LPAR1: variants seen among roughly 807,000 people sequenced by gnomAD.
LPAR1 encodes the protein LPA receptor 1.
A neutral mutation model predicts 23.8 loss-of-function variants in LPAR1; 5 were observed. The ratio of observed to expected loss-of-function variants is 0.21; its 90% CI spans 0.11 to 0.44. The LOEUF (loss-of-function observed/expected upper bound fraction) is 0.44, where lower values mean the gene tolerates loss of function less well. Ranked by LOEUF, LPAR1 falls within the 20% of genes least tolerant of loss-of-function variation. The pLI is 0.99. For missense variants in LPAR1, 311 were observed against 482.8 expected, an observed-to-expected ratio of 0.64 and a Z score of 3.33; for synonymous variants, 160 against 164.7, an observed-to-expected ratio of 0.97 and a Z score of 0.22.
intron 5 of LPAR1, among the ~76,000 whole-genome samples, chr9:110,884,414 TTA>T (rs2081781898): frequency 7.2e-6 from 1 of 138,194 alleles, no homozygotes. Context: ...TAATTTATTT[TTA>T]TTTATAATGT....
intron 5 of LPAR1, among the ~76,000 whole-genome samples, chr9:110,927,662 A>G (rs2094136755): frequency 6.6e-6 from 1 of 152,154 alleles, no homozygotes; most frequent in South Asian, 2.1e-4. Context: ...TCAAAAATGA[A>G]TCAAATCTTT....
intron 2 of LPAR1, among the ~76,000 whole-genome samples, chr9:111,021,009 C>T (rs564253862): frequency 6.6e-6 from 1 of 151,994 alleles, no homozygotes; most frequent in Admixed American, 6.6e-5. Context: ...AAAATAAGAA[C>T]GAGTGTAATA....
intron 2 of LPAR1, among the ~76,000 whole-genome samples, chr9:111,022,603 C>CTTAA (rs2097579510): frequency 6.6e-6 from 1 of 152,088 alleles, no homozygotes; most frequent in Non-Finnish European, 1.5e-5. Flanking sequence ...TTACAAAAAA[C>CTTAA]TTAACTTCAG....
In LPAR1 at chr9:111,022,640, T is replaced by C. The variant is rs557104774; in HGVS notation, c.-182+13482A>G. Among the ~76,000 whole-genome samples, 28 of 152,346 alleles carry C rather than the reference T, an allele frequency of 1.8e-4. 1 individual carries two copies. In the South Asian group the frequency reaches 4.8e-3, roughly 26 times the overall value. On this transcript the variant is annotated intron_variant, in intron 2 of 5. Coordinates refer to ENST00000683809, the MANE Select transcript of LPAR1 (RefSeq NM_001351411.2). ...GTTATAATTTCTTACAAATTATGCA[T>C]AGTTACTAAATTGGTAATTATATTA...
intron 5 of LPAR1, among the ~76,000 whole-genome samples, chr9:110,925,575 C>T (rs940752542): frequency 2.0e-5 from 3 of 152,164 alleles, no homozygotes; most frequent in East Asian, 1.9e-4. Flanking sequence ...TCACCTTGTA[C>T]AGGCAGAGAA....
At chr9:110,911,459 T>G (rs1017543349) in intron 5 of LPAR1, among the ~76,000 whole-genome samples, 3 of 152,098 alleles carry the variant, frequency 2.0e-5, no homozygotes, top group Non-Finnish European at 4.4e-5. Context: ...GGAGGATTGC[T>G]TCAGCCTGGG....
intron 5 of LPAR1, among the ~76,000 whole-genome samples, chr9:110,930,194 C>T (rs531508381): frequency 1.3e-5 from 2 of 152,292 alleles, no homozygotes; most frequent in Admixed American, 6.5e-5. Context: ...TTCTTCTTCT[C>T]CATAGGATGT....
At chr9:110,957,035 C>A (rs1206460214) in intron 4 of LPAR1, among the ~76,000 whole-genome samples, 1 of 152,026 alleles carries the variant, frequency 6.6e-6, no homozygotes, top group African/African-American at 2.4e-5. Context: ...AAATCCTCAA[C>A]AAAATATCAG....
intron 2 of LPAR1, among the ~76,000 whole-genome samples, chr9:111,027,460 A>G (rs1374691021): frequency 6.6e-6 from 1 of 152,176 alleles, no homozygotes; most frequent in Admixed American, 6.5e-5. Flanking sequence ...ATGACTGAGC[A>G]ACTGAACTCC....
chr9:110,915,503 G>A (rs2766988), intron 5 of LPAR1, among the ~76,000 whole-genome samples: 92,254 of 151,938 alleles, frequency 0.61, 28,624 homozygotes, highest in Middle Eastern at 0.64. Flanking sequence ...CAGAGATCAC[G>A]CCATTGCACT....
intron 2 of LPAR1, among the ~76,000 whole-genome samples, chr9:111,026,740 G>T (rs1425182359): frequency 2.6e-5 from 4 of 152,116 alleles, no homozygotes; most frequent in African/African-American, 9.7e-5. Flanking sequence ...GCATGAAAGG[G>T]TGTTGAATTT....
At chr9:110,921,816 T>C (rs560544840) in intron 5 of LPAR1, among the ~76,000 whole-genome samples, 1 of 152,340 alleles carries the variant, frequency 6.6e-6, no homozygotes, top group South Asian at 2.1e-4. Context: ...CAGAAGCTAA[T>C]GGCCAGCCAC....
chr9:110,986,973 G>A (rs192211728), intron 2 of LPAR1, among the ~76,000 whole-genome samples: 59 of 151,600 alleles, frequency 3.9e-4, no homozygotes, highest in African/African-American at 1.2e-3. Flanking sequence ...GAAAATAGGC[G>A]CTCAAATGTA....
chr9:110,875,209 T>C lies in LPAR1; in HGVS notation c.*212A>G. On this transcript the variant is annotated 3_prime_UTR_variant, in exon 6 of 6. Coordinates refer to ENST00000683809, the MANE Select transcript of LPAR1 (RefSeq NM_001351411.2). ...TCCAACTTCCTACTTTCAGAAGGGA[T>C]GGGGATCAAGATGAGGGTTGTCACA... 2 of 461,180 alleles carry C rather than the reference T, an allele frequency of 4.3e-6. No homozygotes were observed. The highest frequency in any genetic ancestry group is 9.4e-5 in the South Asian group (2 of 21,212). The allele number at this position is 461,180 out of a possible 1,614,324, so 28.6% of individuals were successfully genotyped here. A position where few individuals can be genotyped will look rare whatever the true frequency, so the allele number is the denominator to read the frequency against.
chr9:110,906,370 T>C (rs1340209326), intron 5 of LPAR1, among the ~76,000 whole-genome samples: 2 of 152,186 alleles, frequency 1.3e-5, no homozygotes, highest in Non-Finnish European at 2.9e-5. Context: ...ACTGGTGATG[T>C]TTTTAAAAAA....
At chr9:110,889,144 G>A (rs1289261848) in intron 5 of LPAR1, among the ~76,000 whole-genome samples, 2 of 152,126 alleles carry the variant, frequency 1.3e-5, no homozygotes, top group Non-Finnish European at 2.9e-5. Context: ...GGCAGATCAC[G>A]AGGTCAGGAG....
At chr9:110,883,635 C>T (rs2081479075) in intron 5 of LPAR1, among the ~76,000 whole-genome samples, 1 of 152,154 alleles carries the variant, frequency 6.6e-6, no homozygotes, top group South Asian at 2.1e-4. Context: ...AGATTCAACA[C>T]CATGACTTTT....
At chr9:110,921,570 A>G (rs1284598608) in intron 5 of LPAR1, among the ~76,000 whole-genome samples, 1 of 152,222 alleles carries the variant, frequency 6.6e-6, no homozygotes, top group Non-Finnish European at 1.5e-5. Context: ...CAGGAAGTTA[A>G]AGAGTAAGTA....
At chr9:110,917,147 G>A (rs1354311825) in intron 5 of LPAR1, among the ~76,000 whole-genome samples, 1 of 150,686 alleles carries the variant, frequency 6.6e-6, no homozygotes, top group Non-Finnish European at 1.5e-5. Flanking sequence ...AGACCAGCCT[G>A]GCTAACAAAG....
Sources: allele counts gnomAD v4.1 joint callset (sites outside exome capture counted in the v4.1 genomes callset), GRCh38; gene constraint gnomAD v4.1.1; transcripts MANE v1.5; gene names NCBI Gene and HGNC (gene_info 2026-07-23, HGNC 2026-07-21).